The following SQOR variants were observed in gnomAD, a reference collection of about 807,000 sequenced individuals.
SQOR encodes sulfide quinone oxidoreductase, also known as sulfide:quinone oxidoreductase, mitochondrial.
Under a neutral mutation model 48.6 loss-of-function variants are expected in SQOR, and 39 were observed. The observed-to-expected ratio is 0.80, with a 90% CI of 0.62 to 1.05. The LOEUF (loss-of-function observed/expected upper bound fraction) is 1.05. SQOR is among the 50% of genes least tolerant of loss of function. The pLI is 0.00. For missense variants in SQOR, 561 were observed against 559.9 expected, an observed-to-expected ratio of 1.00 and a Z score of -0.02; for synonymous variants, 220 against 206.2, an observed-to-expected ratio of 1.07 and a Z score of -0.57.
In SQOR at chr15:45,676,111, G is replaced by T. The variant is rs755803670; in HGVS notation, c.665G>T (p.Arg222Leu). The stretch of plus-strand genomic sequence containing the variant: ...TCTTATTTTTCTCAGACAGGGAAGC[G>T]ATCCAAGGCCAATATCATTTTCAAC... The part of the protein sequence containing the change: ...SEAYFRKTGK[R>L]SKANIIFNTS... The change falls in exon 6 of 10, where the codon CGA becomes CTA. Residue 222 changes from arginine to leucine, a missense_variant. Coordinates refer to ENST00000260324, the MANE Select transcript of SQOR (RefSeq NM_021199.4). The T allele has an allele frequency of 1.2e-6, 2 of 1,613,276 alleles. No homozygotes were observed. Among genetic ancestry groups the T allele is most frequent in the Admixed American group, 1.7e-5 (1 of 59,866 alleles).
At chr15:45,672,201 C>G (rs542553282) in intron 4 of SQOR, among the ~76,000 whole-genome samples, 1 of 152,096 alleles carries the variant, frequency 6.6e-6, no homozygotes, top group South Asian at 2.1e-4. Context: ...TGCGAAGACC[C>G]CCAGGCAGGT....
chr15:45,679,606 C>T (rs1595508463), intron 6 of SQOR, among the ~76,000 whole-genome samples: 1 of 152,166 alleles, frequency 6.6e-6, no homozygotes, highest in African/African-American at 2.4e-5. Flanking sequence ...GAGGCTGAGG[C>T]AGAGAATTGC....
At chr15:45,658,609 T>C (rs1330863365) in intron 1 of SQOR, among the ~76,000 whole-genome samples, 3 of 152,090 alleles carry the variant, frequency 2.0e-5, no homozygotes, top group African/African-American at 7.2e-5. Flanking sequence ...CAAGGATGGG[T>C]ACAGACAGGT....
rs764201586 is a variant in SQOR at position 45,659,195 on chromosome 15, CGTGTGTGTGTGTGTGAGTGT to C, written c.234+53_234+72del. The C allele has an allele frequency of 3.0e-6, 4 of 1,349,660 alleles. No individual in the cohort carries two copies. In the Admixed American group the frequency reaches 1.1e-4, roughly 36 times the overall value. The allele number at this position is 1,349,660 out of a possible 1,614,324, so 83.6% of individuals were successfully genotyped here. On this transcript the variant is annotated intron_variant, in intron 2 of 9. Coordinates refer to ENST00000260324, the MANE Select transcript of SQOR (RefSeq NM_021199.4). ...TTTTGAGGGCCTGGGTGTGTGTGTA[CGTGTGTGTGTGTGTGAGTGT>C]GTGTGTGTGTGTGTTCTGGGGTTGG...
chr15:45,670,924 C>CT (rs1414849809), intron 4 of SQOR, among the ~76,000 whole-genome samples: 1 of 152,142 alleles, frequency 6.6e-6, no homozygotes, highest in African/African-American at 2.4e-5. Context: ...ATTACAACTA[C>CT]TTTCAAGGGG....
intron 1 of SQOR, among the ~76,000 whole-genome samples, chr15:45,652,102 G>C (rs1015839388): frequency 6.6e-6 from 1 of 151,922 alleles, no homozygotes; most frequent in African/African-American, 2.4e-5. Context: ...TCAAATTCCT[G>C]ACCTCAAGTG....
In SQOR at chr15:45,659,137, G is replaced by T; in HGVS notation, c.214G>T (p.Ala72Ser). ...MKRKVGAENV[A>S]IVEPSERHFY... is the part of the protein sequence containing the mutation. ...GAGGAAAGTGGGTGCAGAGAATGTG[G>T]CCATTGTTGAGCCCAGTGAGGTAAG... is the stretch of plus-strand genomic sequence containing the variant. Residue 72 changes from alanine to serine, a missense_variant, in exon 2 of 10, where the codon GCC becomes TCC. Coordinates refer to ENST00000260324, the MANE Select transcript of SQOR (RefSeq NM_021199.4). 2 of 1,551,598 alleles carry T rather than the reference G, an allele frequency of 1.3e-6. No homozygotes were observed. The highest frequency in any genetic ancestry group is 1.7e-6 in the Non-Finnish European group (2 of 1,145,228).
intron 4 of SQOR, among the ~76,000 whole-genome samples, 189 bp downstream of exon 4, chr15:45,670,170 A>G (rs1191666282): frequency 6.6e-6 from 1 of 152,224 alleles, no homozygotes; most frequent in Non-Finnish European, 1.5e-5. Context: ...GATAATAACC[A>G]TATGTTCTAG....
chr15:45,691,122 A>G lies in SQOR; in HGVS notation c.*92A>G. 8 of 1,144,534 alleles carry G rather than the reference A, an allele frequency of 7.0e-6. No homozygotes were observed. Among genetic ancestry groups the G allele is most frequent in the Non-Finnish European group, 1.1e-5 (8 of 752,004 alleles). The allele number at this position is 1,144,534 out of a possible 1,614,324, so 70.9% of individuals were successfully genotyped here. ...GAGCAGCACGAAGGACTTGGAACCT[A>G]TCCTTGTAAAGAGTTCCTTGATGGG... On this transcript the variant is annotated 3_prime_UTR_variant, in exon 10 of 10. Transcript: ENST00000260324.
intron 6 of SQOR, among the ~76,000 whole-genome samples, chr15:45,679,226 C>T (rs1399911711): frequency 6.6e-6 from 1 of 152,064 alleles, no homozygotes; most frequent in African/African-American, 2.4e-5. Context: ...TCAAAAAATC[C>T]ACCAGAAGGA....
At position 45,640,739 on chromosome 15, in the gene SQOR, G is replaced by C. The variant is rs183152239; in HGVS notation, c.-18+5631G>C. 2.0e-5 allele frequency among the ~76,000 whole-genome samples: 3 copies of C among 152,302 alleles called. No homozygotes were observed. The South Asian group carries it at 6.2e-4, about 32-fold the overall frequency. ...ATCCCAATGCTCCTGAGGCTGATGA[G>C]TAATTTTAATGTGGTCATTTAACAA... On this transcript the variant is annotated intron_variant, in intron 1 of 9. Transcript: ENST00000260324.
At chr15:45,646,873 C>G (rs1889349874) in intron 1 of SQOR, among the ~76,000 whole-genome samples, 1 of 152,138 alleles carries the variant, frequency 6.6e-6, no homozygotes, top group African/African-American at 2.4e-5. Context: ...CTATAAGAAT[C>G]TCGGTGTATA....
chr15:45,670,493 C>T (rs1228874180), intron 4 of SQOR, among the ~76,000 whole-genome samples: 1 of 152,184 alleles, frequency 6.6e-6, no homozygotes, highest in African/African-American at 2.4e-5. Context: ...CTCAGATCCC[C>T]GTTTTCAGTG....
intron 1 of SQOR, among the ~76,000 whole-genome samples, chr15:45,640,979 A>G (rs533150242): frequency 7.9e-5 from 12 of 152,302 alleles, no homozygotes; most frequent in Admixed American, 4.6e-4. Context: ...ATGTACTAGA[A>G]TGTGAGAAGT....
At chr15:45,646,169 C>T (rs1323178090) in intron 1 of SQOR, among the ~76,000 whole-genome samples, 1 of 152,178 alleles carries the variant, frequency 6.6e-6, no homozygotes, top group African/African-American at 2.4e-5. Flanking sequence ...AGAGGCCGGC[C>T]CCTCTAGGAG....
chr15:45,646,154 T>C (rs923714150), intron 1 of SQOR: 3 of 152,198 alleles, frequency 2.0e-5, no homozygotes, highest in African/African-American at 7.2e-5. Flanking sequence ...GATCTGCCCC[T>C]GCTTAGAGGC....
In SQOR at chr15:45,658,929, GCCAC is replaced by G. The variant is rs1889666233; in HGVS notation, c.7_10del (p.Pro3TrpfsTer59). On this transcript the variant is annotated frameshift_variant, in exon 2 of 10. Coordinates refer to ENST00000260324, the MANE Select transcript of SQOR (RefSeq NM_021199.4). LOFTEE classifies it high-confidence loss of function. The stretch of plus-strand genomic sequence containing the variant: ...CAGCCTGATCCTGCCTGAAGATGGT[GCCAC>G]TGGTGGCTGTGGTATCAGGGCCCCG... 4 of 1,556,630 alleles carry G rather than the reference GCCAC, an allele frequency of 2.6e-6. No homozygotes were observed. The highest frequency in any genetic ancestry group is 3.5e-6 in the Non-Finnish European group (4 of 1,146,348).
At chr15:45,650,438 G>A (rs1889456560) in intron 1 of SQOR, among the ~76,000 whole-genome samples, 2 of 152,190 alleles carry the variant, frequency 1.3e-5, no homozygotes, top group Admixed American at 1.3e-4. Flanking sequence ...CAGGAGTGAA[G>A]CTGCAGACCT....
chr15:45,673,670 G>A lies in SQOR; in HGVS notation c.523G>A (p.Val175Ile). 2 of 1,614,228 alleles carry A rather than the reference G, an allele frequency of 1.2e-6. No individual in the cohort carries two copies. Among genetic ancestry groups the A allele is most frequent in the Non-Finnish European group, 8.5e-7 (1 of 1,180,036 alleles). The change falls in exon 5 of 10, where the codon GTA (valine) becomes ATA (isoleucine). Residue 175 changes from valine to isoleucine, a missense_variant. By Grantham distance (29) the Val-to-Ile change is conservative. Coordinates refer to ENST00000260324, the MANE Select transcript of SQOR (RefSeq NM_021199.4). ...AGGGTCGAATTATTCAGTTAAGACT[G>A]TAGAGAAGACATGGAAAGCTCTGCA... ...KIGSNYSVKT[V>I]EKTWKALQDF...
Sources: gnomAD v4.1 joint callset for allele counts (sites outside exome capture counted in the v4.1 genomes callset) on GRCh38, gnomAD v4.1.1 for gene constraint, MANE v1.5 for transcripts, NCBI Gene and HGNC (gene_info 2026-07-23, HGNC 2026-07-21) for gene names.